CUX1: variants seen among roughly 807,000 people sequenced by gnomAD.
CUX1 encodes protein CASP.
Under a neutral mutation model 158.8 loss-of-function variants are expected in CUX1, and 31 were observed. The observed-to-expected ratio is 0.20, with a 90% CI of 0.15 to 0.26. The LOEUF is 0.26. Ranked by LOEUF, CUX1 falls within the 10% of genes least tolerant of loss-of-function variation. The pLI is 1.00. For synonymous variants in CUX1, 879 were observed against 862.1 expected, an observed-to-expected ratio of 1.02 and a Z score of -0.34; for missense variants, 1,589 against 2,014.6, an observed-to-expected ratio of 0.79 and a Z score of 4.04.
At chr7:101,867,767 G>A (rs752966434) in intron 1 of CUX1, among the ~76,000 whole-genome samples, 4 of 151,994 alleles carry the variant, frequency 2.6e-5, no homozygotes, top group Non-Finnish European at 4.4e-5. Flanking sequence ...AATACAGAAC[G>A]CATTCATGAT....
At chr7:102,042,740 A>G (rs1438898494) in intron 3 of CUX1, among the ~76,000 whole-genome samples, 2 of 152,128 alleles carry the variant, frequency 1.3e-5, no homozygotes, top group African/African-American at 4.8e-5. Flanking sequence ...CTATTAAAGT[A>G]TCATTAACAA....
At chr7:102,045,230 A>G (rs1822598591) in intron 3 of CUX1, among the ~76,000 whole-genome samples, 1 of 152,238 alleles carries the variant, frequency 6.6e-6, no homozygotes, top group Non-Finnish European at 1.5e-5. Context: ...CTGCTCATGC[A>G]GAAAGGGATC....
chr7:102,259,330 G>C (rs58730208), downstream of CUX1, among the ~76,000 whole-genome samples: 38,832 of 152,080 alleles, frequency 0.26, 5,393 homozygotes, highest in Non-Finnish European at 0.32. Context: ...GCTCACGCCT[G>C]TAATCCCAGC....
intron 11 of CUX1, among the ~76,000 whole-genome samples, chr7:102,185,106 G>A (rs572009322): frequency 1.3e-5 from 2 of 152,312 alleles, no homozygotes; most frequent in Admixed American, 1.3e-4. Flanking sequence ...GTGACAGGCT[G>A]AGATCCGCAG....
intron 1 of CUX1, among the ~76,000 whole-genome samples, chr7:101,885,545 C>T (rs748493529): frequency 6.6e-5 from 10 of 152,058 alleles, no homozygotes; most frequent in Admixed American, 4.6e-4. Context: ...GGCGACAGAG[C>T]GAGACCCTGT....
intron 8 of CUX1, among the ~76,000 whole-genome samples, chr7:102,136,185 T>C (rs1833880582): frequency 6.6e-6 from 1 of 152,100 alleles, no homozygotes; most frequent in Non-Finnish European, 1.5e-5. Context: ...TACATATAGC[T>C]CTGGATTTCT....
chr7:101,856,117 A>G (rs1290393723), intron 1 of CUX1, among the ~76,000 whole-genome samples: 1 of 145,082 alleles, frequency 6.9e-6, no homozygotes, highest in Admixed American at 7.0e-5. Context: ...CAGGAGGTCA[A>G]GGCTGCAGTG....
Position 102,257,681 on chromosome 7 carries a change from G to A in CUX1, c.*8639G>A, listed in dbSNP as rs781997782. 30 of 985,132 alleles carry A rather than the reference G, an allele frequency of 3.0e-5. No individual in the cohort carries two copies. The highest frequency in any genetic ancestry group is 1.2e-4 in the Admixed American group (2 of 16,216). The allele number at this position is 985,132 out of a possible 1,614,324, so 61.0% of individuals were successfully genotyped here. A position where few individuals can be genotyped will look rare whatever the true frequency, so the allele number is the denominator to read the frequency against. ...CACTCACAGGGTGGCGGAATCTTCCGGAAAACTCTCTATAAGCTCAGCTCC... is the reference window on the plus strand; with the variant it reads ...CACTCACAGGGTGGCGGAATCTTCCAGAAAACTCTCTATAAGCTCAGCTCC... On this transcript the variant is annotated 3_prime_UTR_variant, in exon 24 of 24. Coordinates refer to ENST00000292535, the MANE Select transcript of CUX1 (RefSeq NM_181552.4).
intron 20 of CUX1, among the ~76,000 whole-genome samples, chr7:102,207,698 C>G (rs1466615002): frequency 1.3e-5 from 2 of 152,188 alleles, no homozygotes; most frequent in African/African-American, 4.8e-5. Context: ...GTGATCCCCC[C>G]ACCTTGGCCT....
At position 102,251,506 on chromosome 7, in the gene CUX1, G is replaced by T; in HGVS notation, c.*2464G>T. The T allele has an allele frequency of 1.0e-6, 1 of 985,376 alleles. No homozygotes were observed. Among genetic ancestry groups the T allele is most frequent in the East Asian group, 1.1e-4 (1 of 8,818 alleles). 61.0% of individuals were successfully genotyped at this position (985,376 alleles called of 1,614,324 possible). ...AGTTTTCAGAAGGCTCTAGGGGGCT[G>T]GGAGGCAGGCTGTTCGTTTGTCTTT... On this transcript the variant is annotated 3_prime_UTR_variant, in exon 24 of 24. Transcript: ENST00000292535.
chr7:101,958,483 T>C (rs1274118382), intron 2 of CUX1, among the ~76,000 whole-genome samples: 2 of 142,978 alleles, frequency 1.4e-5, no homozygotes, highest in South Asian at 2.3e-4. Flanking sequence ...TCTTTTCTTT[T>C]TTTTTTTTTT....
chr7:102,161,222 C>T (rs1274227251), intron 9 of CUX1: 2 of 152,184 alleles, frequency 1.3e-5, no homozygotes, highest in African/African-American at 4.8e-5. Context: ...TGGCAGTGTG[C>T]CTGTAGTCCC....
chr7:101,940,097 G>A (rs991652735), intron 2 of CUX1, among the ~76,000 whole-genome samples: 8 of 145,482 alleles, frequency 5.5e-5, no homozygotes, highest in African/African-American at 1.3e-4. Context: ...AAAAAAAGCC[G>A]GGCATGGTGG....
At position 102,256,635 on chromosome 7, in the gene CUX1, T is replaced by C; in HGVS notation, c.*7593T>C. 1.0e-6 allele frequency: 1 copy of C among 985,372 alleles called. No homozygotes were observed. Among genetic ancestry groups the C allele is most frequent in the Non-Finnish European group, 1.2e-6 (1 of 829,924 alleles). 61.0% of individuals were successfully genotyped at this position (985,372 alleles called of 1,614,324 possible). A position where few individuals can be genotyped will look rare whatever the true frequency, so the allele number is the denominator to read the frequency against. On this transcript the variant is annotated 3_prime_UTR_variant, in exon 24 of 24. Coordinates refer to ENST00000292535, the MANE Select transcript of CUX1 (RefSeq NM_181552.4). ...ATGAACAAAAAAATTTACCAACGTGTGAGGGAGTTGCTGAGTTGAAGAATG... is the reference window on the plus strand; with the variant it reads ...ATGAACAAAAAAATTTACCAACGTGCGAGGGAGTTGCTGAGTTGAAGAATG...
chr7:101,985,266 AC>A (rs982013218), intron 2 of CUX1, among the ~76,000 whole-genome samples: 4 of 152,124 alleles, frequency 2.6e-5, no homozygotes, highest in Admixed American at 2.6e-4. Flanking sequence ...TGCTCTGCAG[AC>A]GGGAGAGGGG....
intron 2 of CUX1, among the ~76,000 whole-genome samples, chr7:101,971,940 G>A (rs1482614223): frequency 6.6e-6 from 1 of 152,082 alleles, no homozygotes; most frequent in African/African-American, 2.4e-5. Context: ...TTTGTGAGTT[G>A]GGTGATTTCA....
intron 8 of CUX1, among the ~76,000 whole-genome samples, chr7:102,156,959 C>A (rs1401045964): frequency 6.6e-6 from 1 of 152,214 alleles, no homozygotes; most frequent in Non-Finnish European, 1.5e-5. Context: ...CTTCCTGAGA[C>A]AGAGCTGCTG....
intron 8 of CUX1, among the ~76,000 whole-genome samples, chr7:102,138,274 T>A (rs1563296729): frequency 6.6e-6 from 1 of 152,260 alleles, no homozygotes; most frequent in Non-Finnish European, 1.5e-5. Flanking sequence ...TGTATTTTAT[T>A]TTTATGGGTA....
At chr7:101,865,846 G>T (rs754019705) in intron 1 of CUX1, among the ~76,000 whole-genome samples, 2 of 152,204 alleles carry the variant, frequency 1.3e-5, no homozygotes, top group Non-Finnish European at 2.9e-5. Context: ...GCCCTCATGG[G>T]ACTTCCATTT....
Sources: allele counts gnomAD v4.1 joint callset (sites outside exome capture counted in the v4.1 genomes callset), GRCh38; gene constraint gnomAD v4.1.1; transcripts MANE v1.5; gene names NCBI Gene and HGNC (gene_info 2026-07-23, HGNC 2026-07-21).